Variants in FAM135B observed in about 807,000 individuals in gnomAD.
The protein encoded by FAM135B is protein FAM135B.
A neutral mutation model predicts 127.7 loss-of-function variants in FAM135B; 43 were observed. The observed-to-expected ratio is 0.34, with a 90% confidence interval of 0.26 to 0.43. FAM135B has a LOEUF of 0.43. Among genes scored for constraint, FAM135B ranks in the 20% least tolerant of loss-of-function variants. The pLI is 1.00. For synonymous variants in FAM135B, 670 were observed against 665.1 expected, an observed-to-expected ratio of 1.01 and a Z score of -0.11; for missense variants, 1,558 against 1,725.6, an observed-to-expected ratio of 0.90 and a Z score of 1.72.
chr8:138,400,535 A>G (rs947363760), intron 1 of FAM135B, among the ~76,000 whole-genome samples: 4 of 152,256 alleles, frequency 2.6e-5, no homozygotes, highest in Middle Eastern at 3.4e-3. Context: ...GAGGAGGAGG[A>G]CTGAAGAGAT....
intron 1 of FAM135B, among the ~76,000 whole-genome samples, chr8:138,368,713 G>A (rs898795685): frequency 4.6e-5 from 7 of 152,020 alleles, no homozygotes; most frequent in Non-Finnish European, 1.0e-4. Context: ...GCTGTTACTG[G>A]GGGTCAGTAA....
intron 1 of FAM135B, among the ~76,000 whole-genome samples, chr8:138,442,983 A>G (rs1212169083): frequency 6.6e-6 from 1 of 152,156 alleles, no homozygotes; most frequent in East Asian, 1.9e-4. Flanking sequence ...CTTGTCTTTA[A>G]TAAGTCAGGG....
intron 12 of FAM135B, among the ~76,000 whole-genome samples, chr8:138,165,249 TA>T (rs1283270312): frequency 2.0e-5 from 3 of 151,676 alleles, no homozygotes; most frequent in African/African-American, 7.3e-5. Context: ...GCCTCCCGAG[TA>T]GCTGGGATTA....
At chr8:138,466,584 T>C (rs1440628201) in intron 1 of FAM135B, among the ~76,000 whole-genome samples, 1 of 152,144 alleles carries the variant, frequency 6.6e-6, no homozygotes, top group African/African-American at 2.4e-5. Context: ...TCACTAATGT[T>C]AGCTGGAGAA....
rs1820084009 is a variant in FAM135B at position 138,167,884 on chromosome 8, AAC to A, written c.1258+9_1258+10del. The A allele has an allele frequency of 1.3e-6, 2 of 1,599,778 alleles. No individual in the cohort carries two copies. Among genetic ancestry groups the A allele is most frequent in the Non-Finnish European group, 1.7e-6 (2 of 1,171,538 alleles). ...TTATTCCTGAGTCTTTCCAAAACAA[AAC>A]AGACAAACCTGTCGCAGGGCAGTCC... On this transcript the variant is annotated intron_variant, in intron 12 of 19. Transcript: ENST00000395297.
At chr8:138,280,779 G>A (rs1216675643) in intron 3 of FAM135B, among the ~76,000 whole-genome samples, 2 of 152,290 alleles carry the variant, frequency 1.3e-5, no homozygotes, top group East Asian at 1.9e-4. Context: ...CACAAGGGAG[G>A]AGAGCACTAG....
intron 3 of FAM135B, 72 bp from the exon 4 acceptor site, chr8:138,265,914 T>C (rs1822883687): frequency 6.7e-7 from 1 of 1,502,746 alleles, no homozygotes; most frequent in Non-Finnish European, 9.0e-7. Context: ...GTCAGGTGTC[T>C]TTCCTGCTCA....
At chr8:138,252,838 C>A (rs540088779) in intron 5 of FAM135B, among the ~76,000 whole-genome samples, 1 of 152,150 alleles carries the variant, frequency 6.6e-6, no homozygotes, top group Non-Finnish European at 1.5e-5. Flanking sequence ...GTCACCCAGG[C>A]TGCCAGGCTG....
At chr8:138,394,337 T>A (rs1326662879) in intron 1 of FAM135B, among the ~76,000 whole-genome samples, 3 of 152,208 alleles carry the variant, frequency 2.0e-5, no homozygotes, top group African/African-American at 7.2e-5. Flanking sequence ...CTGGGTCATG[T>A]GCTGTACCAC....
At chr8:138,346,894 C>A (rs947805016) in intron 2 of FAM135B, among the ~76,000 whole-genome samples, 1 of 152,182 alleles carries the variant, frequency 6.6e-6, no homozygotes, top group African/African-American at 2.4e-5. Flanking sequence ...AGGTAGCAAG[C>A]ACTCACCAAT....
chr8:138,256,204 A>C (rs1186274219), intron 5 of FAM135B, among the ~76,000 whole-genome samples: 2 of 152,118 alleles, frequency 1.3e-5, no homozygotes, highest in Non-Finnish European at 2.9e-5. Context: ...AGTTCCAAGA[A>C]AGAAGAAAGT....
rs190583884 is a variant in FAM135B at position 138,235,101 on chromosome 8, C to A, written c.669+7841G>T. On this transcript the variant is annotated intron_variant, in intron 7 of 19. Coordinates refer to ENST00000395297, the MANE Select transcript of FAM135B (RefSeq NM_015912.4). ...TTTGGTCCTTAAAAAGTACTGTAGA[C>A]CCTAGCCACTGTGCCTATTATGTCT... Among the ~76,000 whole-genome samples the A allele has an allele frequency of 3.3e-3, 497 of 152,272 alleles. 1 individual carries two copies. The highest frequency in any genetic ancestry group is 5.1e-3 in the Non-Finnish European group (350 of 68,016).
chr8:138,260,457 G>C (rs1822454851), intron 4 of FAM135B, among the ~76,000 whole-genome samples: 1 of 152,158 alleles, frequency 6.6e-6, no homozygotes, highest in Admixed American at 6.5e-5. Flanking sequence ...TCTGCTGTTA[G>C]TGCTAAGATC....
chr8:138,179,581 TGA>T (rs1329838637), intron 9 of FAM135B, among the ~76,000 whole-genome samples: 1 of 152,212 alleles, frequency 6.6e-6, no homozygotes. Context: ...AAAAACGTCC[TGA>T]GAGAAGACAG....
chr8:138,362,424 G>A (rs1830488247), intron 2 of FAM135B, among the ~76,000 whole-genome samples: 1 of 152,018 alleles, frequency 6.6e-6, no homozygotes, highest in African/African-American at 2.4e-5. Flanking sequence ...CATTGGTTGA[G>A]TGACCCTTTA....
chr8:138,228,283 C>T (rs952241120), intron 7 of FAM135B, among the ~76,000 whole-genome samples: 4 of 152,028 alleles, frequency 2.6e-5, no homozygotes, highest in African/African-American at 7.3e-5. Flanking sequence ...ACTTCACTCT[C>T]GCTGGGCTGA....
chr8:138,323,542 T>G (rs1306550442), intron 2 of FAM135B, among the ~76,000 whole-genome samples: 1 of 152,228 alleles, frequency 6.6e-6, no homozygotes, highest in African/African-American at 2.4e-5. Flanking sequence ...AAAAGCCATT[T>G]GCTAAGGATG....
chr8:138,435,157 A>G (rs1435832538), intron 1 of FAM135B, among the ~76,000 whole-genome samples: 2 of 151,830 alleles, frequency 1.3e-5, no homozygotes, highest in Admixed American at 1.3e-4. Flanking sequence ...AATTAGCCAG[A>G]CGTCGTGGCA....
At chr8:138,187,424 T>C (rs7011071) in intron 9 of FAM135B, among the ~76,000 whole-genome samples, 60,264 of 151,968 alleles carry the variant, frequency 0.4, 13,231 homozygotes, top group African/African-American at 0.56. Context: ...CTATTCTCTG[T>C]GAGAGAGACT....
Sources: gnomAD v4.1 joint callset for allele counts (sites outside exome capture counted in the v4.1 genomes callset) on GRCh38, gnomAD v4.1.1 for gene constraint, MANE v1.5 for transcripts, NCBI Gene and HGNC (gene_info 2026-07-23, HGNC 2026-07-21) for gene names.